The following FAAP20 variants were observed in gnomAD, a reference collection of about 807,000 sequenced individuals.
FAAP20 encodes the protein Fanconi anemia core complex-associated protein 20.
FAAP20 carries 12 observed loss-of-function variants against 16.2 expected under a neutral mutation model. The ratio of observed to expected loss-of-function variants is 0.74; its 90% CI spans 0.48 to 1.20. The LOEUF is 1.20. Among genes scored for constraint, FAAP20 ranks in the 50% most tolerant of loss-of-function variants. The pLI, the probability that FAAP20 is intolerant of heterozygous loss-of-function variation, is 0.00. For missense variants in FAAP20, 288 were observed against 245.8 expected (o/e 1.17, Z -1.15); for synonymous variants, 141 against 110.7 (o/e 1.27, Z -1.72).
At chr1:2,203,503 C>T, upstream of FAAP20, 2 of 985,316 alleles carry the variant, frequency 2.0e-6, no homozygotes, top group Non-Finnish European at 2.4e-6. Flanking sequence ...GTTGGCCTGG[C>T]GCTGACCTGT....
chr1:2,204,779 G>T (rs981338836), upstream of FAAP20, among the ~76,000 whole-genome samples: 1 of 152,116 alleles, frequency 6.6e-6, no homozygotes, highest in African/African-American at 2.4e-5. Flanking sequence ...TCAGCCAGCC[G>T]CCGCCTTTGG....
At chr1:2,204,208 C>T (rs975951704), upstream of FAAP20, among the ~76,000 whole-genome samples, 2 of 152,344 alleles carry the variant, frequency 1.3e-5, no homozygotes, top group African/African-American at 2.4e-5. Flanking sequence ...CTCTGCAGCC[C>T]GCGTGTGCGG....
At chr1:2,193,094 C>T (rs1455941013) in intron 3 of FAAP20, 14 of 1,051,246 alleles carry the variant, frequency 1.3e-5, no homozygotes, top group Non-Finnish European at 1.8e-5. Context: ...CACCCCAGCC[C>T]CAGGACCTGC....
upstream of FAAP20, chr1:2,201,280 G>A (rs1430346716): frequency 5.2e-6 from 6 of 1,146,698 alleles, no homozygotes; most frequent in Admixed American, 1.8e-4. Flanking sequence ...TCCTCCAGAG[G>A]GTCAGGGACA....
chr1:2,204,557 T>C (rs1689165425), upstream of FAAP20, among the ~76,000 whole-genome samples: 2 of 152,094 alleles, frequency 1.3e-5, no homozygotes, highest in South Asian at 4.1e-4. Context: ...CCCTCACAGC[T>C]CACAGCCCTG....
In FAAP20 at chr1:2,205,681, C is replaced by G. The variant is rs547425472; in HGVS notation, n.451+624G>C. On this transcript the variant is annotated intron_variant and non_coding_transcript_variant, in intron 3 of 7. Coordinates refer to the FAAP20 transcript ENST00000469733. ...CACGAGCGCGTCGCCGCACGGTGTA[C>G]GCCCACGGTCCGGGCCGGGCGTTCT... Among the ~76,000 whole-genome samples the G allele has an allele frequency of 1.4e-4, 22 of 152,340 alleles. No homozygotes were observed. In the South Asian group the frequency reaches 4.6e-3, roughly 32 times the overall value.
At chr1:2,185,114 G>A, downstream of FAAP20, 1 of 1,133,922 alleles carries the variant, frequency 8.8e-7, no homozygotes, top group Non-Finnish European at 1.3e-6. Flanking sequence ...GGGCGGCCAG[G>A]GACAGACGCT....
upstream of FAAP20, chr1:2,200,760 C>CA: frequency 1.0e-6 from 1 of 995,564 alleles, no homozygotes; most frequent in African/African-American, 1.7e-5. Context: ...GTCTCCTGTC[C>CA]ACCACACCCG....
chr1:2,212,282 C>T (rs1340699880), exon 2 of FAAP20: 2 of 152,490 alleles, frequency 1.3e-5, no homozygotes, highest in Non-Finnish European at 2.9e-5. Flanking sequence ...CGTGTAGCCT[C>T]CTCCCAGGAT....
chr1:2,205,390 C>T (rs1411158818), intron 3 of FAAP20, among the ~76,000 whole-genome samples: 3 of 149,082 alleles, frequency 2.0e-5, no homozygotes, highest in Admixed American at 6.6e-5. Flanking sequence ...CCTGGGGCAG[C>T]CGTCCCCGTG....
chr1:2,201,156 T>C (rs1689032617), upstream of FAAP20: 2 of 1,276,342 alleles, frequency 1.6e-6, no homozygotes, highest in Non-Finnish European at 2.0e-6. Flanking sequence ...TGCTTCAACT[T>C]TCTGAGTGAC....
chr1:2,185,048 C>G, downstream of FAAP20: 1 of 1,547,596 alleles, frequency 6.5e-7, no homozygotes, highest in Non-Finnish European at 8.8e-7. Flanking sequence ...CGTGATTGAC[C>G]CTTTAACTGT....
downstream of FAAP20, among the ~76,000 whole-genome samples, chr1:2,207,310 T>TTCTTGGGC (rs2100761534): frequency 6.6e-6 from 1 of 152,298 alleles, no homozygotes; most frequent in East Asian, 1.9e-4. Context: ...TTCGCCGGCC[T>TTCTTGGGC]TCTTGGGCGT....
downstream of FAAP20, chr1:2,186,002 A>C (rs956851776): frequency 1.7e-5 from 7 of 404,076 alleles, no homozygotes; most frequent in African/African-American, 8.3e-5. Context: ...CCGTCCACCC[A>C]CCCCTCAGGT....
downstream of FAAP20, chr1:2,212,050 C>G (rs1432620102): frequency 1.3e-5 from 2 of 152,218 alleles, no homozygotes; most frequent in Admixed American, 6.6e-5. Context: ...CTACAGGCGC[C>G]CGCCACCACG....
chr1:2,188,244 C>G (rs1030405497), downstream of FAAP20, among the ~76,000 whole-genome samples: 2 of 152,222 alleles, frequency 1.3e-5, no homozygotes, highest in Admixed American at 1.3e-4. Flanking sequence ...GCTTTCTGTG[C>G]TCCACTCACA....
chr1:2,193,646 C>T lies in FAAP20; in HGVS notation c.463G>A (p.Ala155Thr), dbSNP rs1279791871. The change falls in exon 3 of 4, where the codon GCC becomes ACC. Residue 155 changes from alanine to threonine, a missense_variant. Ala to Thr is a moderately conservative substitution (Grantham distance 58, BLOSUM62 0). Transcript: ENST00000378546. Reference sequence around the variant, plus strand: ...CAGGGGTGGCCTACTCACCTGGGGGCGAACTCCTTCTGGCACATGGGGCAG... The same window carrying T: ...CAGGGGTGGCCTACTCACCTGGGGGTGAACTCCTTCTGGCACATGGGGCAG... Reference protein sequence around the residue: ...RSCPMCQKEFAPRLTQLDVDS... With the variant: ...RSCPMCQKEFTPRLTQLDVDS... The T allele has an allele frequency of 2.5e-6, 4 of 1,595,134 alleles. No individual in the cohort carries two copies. Among genetic ancestry groups the T allele is most frequent in the Admixed American group, 1.9e-5 (1 of 54,014 alleles).
chr1:2,185,807 G>A (rs555157884), downstream of FAAP20, among the ~76,000 whole-genome samples: 2 of 152,342 alleles, frequency 1.3e-5, no homozygotes, highest in East Asian at 1.9e-4. Flanking sequence ...CTCGTGCGAC[G>A]CATTTGATTT....
At chr1:2,185,852 GAGTT>G (rs3840422), downstream of FAAP20, among the ~76,000 whole-genome samples, 57 of 152,342 alleles carry the variant, frequency 3.7e-4, no homozygotes, top group East Asian at 9.6e-3. Context: ...ACAGCACTGA[GAGTT>G]AGGGAAAACT....
Sources: gnomAD v4.1 joint callset for allele counts (sites outside exome capture counted in the v4.1 genomes callset) on GRCh38, gnomAD v4.1.1 for gene constraint, MANE v1.5 for transcripts, NCBI Gene and HGNC (gene_info 2026-07-23, HGNC 2026-07-21) for gene names.